The following HAS3 variants were observed in gnomAD, a reference collection of about 807,000 sequenced individuals.
HAS3 encodes the protein hyaluronan synthase 3.
In HAS3, 27 loss-of-function variants were observed where a neutral mutation model predicts 50.3. The observed-to-expected ratio is 0.54, with a 90% CI of 0.40 to 0.74. The LOEUF is 0.74. HAS3 is among the 30% of genes least tolerant of loss of function. The pLI is 0.00. For synonymous variants in HAS3, 339 were observed against 310.9 expected, an observed-to-expected ratio of 1.09 and a Z score of -0.95; for missense variants, 517 against 742.8, an observed-to-expected ratio of 0.70 and a Z score of 3.53.
Position 69,107,820 on chromosome 16 carries a change from C to A in HAS3, c.1-1576C>A, listed in dbSNP as rs778585888. ...CTGGGAGTCCTGTGAAGGAAGCACA[C>A]GGCGGGCTCCCCGGGACGGTGGGGC... is the stretch of plus-strand genomic sequence containing the variant. On this transcript the variant is annotated intron_variant, in intron 1 of 3. Transcript: ENST00000569188. This position sits in a 1 kb window ranked among gnomAD's most constrained non-coding sequence, Gnocchi z 5.5. The A allele has an allele frequency of 1.2e-5, 7 of 587,474 alleles. No individual in the cohort carries two copies. Among genetic ancestry groups the A allele is most frequent in the Non-Finnish European group, 1.5e-5 (7 of 465,876 alleles). 36.4% of individuals were successfully genotyped at this position (587,474 alleles called of 1,614,324 possible).
upstream of HAS3, among the ~76,000 whole-genome samples, chr16:69,104,882 G>C (rs145860704): frequency 6.6e-6 from 1 of 151,936 alleles, no homozygotes; most frequent in South Asian, 2.1e-4. Flanking sequence ...CTTGCGAGAG[G>C]AGAAGTTTAT....
At position 69,106,243 on chromosome 16, in the gene HAS3, G is replaced by A. The variant is rs1960787357; in HGVS notation, c.-1+456G>A. 6.6e-6 allele frequency: 1 copy of A among 151,850 alleles called. No individual in the cohort carries two copies. Among genetic ancestry groups the A allele is most frequent in the South Asian group, 2.1e-4 (1 of 4,840 alleles). The allele number at this position is 151,850 out of a possible 1,614,324, so 9.4% of individuals were successfully genotyped here. A position where few individuals can be genotyped will look rare whatever the true frequency, so the allele number is the denominator to read the frequency against. On this transcript the variant is annotated intron_variant, in intron 1 of 3. Coordinates refer to ENST00000569188, the MANE Select transcript of HAS3 (RefSeq NM_001199280.2). The surrounding 1 kb of genome is among the most constrained non-coding windows in gnomAD (Gnocchi z 5.5). ...CGGCAGTCGGAGCGCGCGGCGGCGC[G>A]GAGCGGAGCGGGAGGAGGGGCATGG...
rs570254508 is a variant in HAS3, at chr16:69,113,558, G to A, written c.738+16G>A. 1.2e-5 allele frequency: 17 copies of A among 1,436,958 alleles called. No individual in the cohort carries two copies. The East Asian group carries it at 2.1e-4, about 17-fold the overall frequency. The allele number at this position is 1,436,958 out of a possible 1,614,324, so 89.0% of individuals were successfully genotyped here. On this transcript the variant is annotated intron_variant, in intron 3 of 3. Coordinates refer to ENST00000569188, the MANE Select transcript of HAS3 (RefSeq NM_001199280.2). The stretch of plus-strand genomic sequence containing the variant: ...AGATGTCCAGGTAAGATGAGACCAG[G>A]GATATCTGTGGGGAGGGGTCTGGAC...
At chr16:69,083,485 G>A in the HAS3 span, 2 of 1,608,050 alleles carry the variant, frequency 1.2e-6, no homozygotes, top group Non-Finnish European at 8.5e-7. Flanking sequence ...TCTCATGCAG[G>A]TGCTGAGCGC....
At chr16:69,105,322 C>T (rs901687136), upstream of HAS3, among the ~76,000 whole-genome samples, 2 of 152,114 alleles carry the variant, frequency 1.3e-5, no homozygotes, top group African/African-American at 2.4e-5. Flanking sequence ...GCTAACAACT[C>T]TCCCCCCTCC....
chr16:69,087,015 T>C, the HAS3 span, among the ~76,000 whole-genome samples: 5 of 152,120 alleles, frequency 3.3e-5, no homozygotes, highest in African/African-American at 1.2e-4. Context: ...CACCCTGCTC[T>C]TCTCCCTCAG....
the HAS3 span, among the ~76,000 whole-genome samples, chr16:69,097,941 A>G: frequency 6.6e-6 from 1 of 152,168 alleles, no homozygotes; most frequent in African/African-American, 2.4e-5. Flanking sequence ...GAATTTACAT[A>G]AAGGAAATCA....
At chr16:69,108,563 C>A (rs1960889824) in intron 1 of HAS3, among the ~76,000 whole-genome samples, 1 of 152,122 alleles carries the variant, frequency 6.6e-6, no homozygotes, top group Non-Finnish European at 1.5e-5. Context: ...ACGCATGCTG[C>A]ACGGGCACTA....
the HAS3 span, among the ~76,000 whole-genome samples, chr16:69,094,888 C>T: frequency 4.6e-5 from 7 of 152,020 alleles, no homozygotes; most frequent in African/African-American, 7.2e-5. Context: ...TGTTTCTCCC[C>T]GGCTCTCCTT....
downstream of HAS3, chr16:69,117,864 T>G (rs1961266499): frequency 5.8e-6 from 1 of 171,230 alleles, no homozygotes; most frequent in Non-Finnish European, 1.3e-5. Flanking sequence ...GGGCCCTTGC[T>G]AAGACTAAAA....
In HAS3 at chr16:69,109,851, C is replaced by T; in HGVS notation, c.456C>T (p.Arg152=). The T allele has an allele frequency of 6.2e-7, 1 of 1,613,518 alleles. No individual in the cohort carries two copies. The highest frequency in any genetic ancestry group is 8.5e-7 in the Non-Finnish European group (1 of 1,180,024). ...AGCAGGCCGGCTTCTTTGTGTGGCG[C>T]AGCAACTTCCATGAGGCAGGCGAGG... is the stretch of plus-strand genomic sequence containing the variant. The part of the protein sequence containing the change: ...GTEQAGFFVW[R]SNFHEAGEGE... Residue 152 remains arginine (R), a synonymous_variant, in exon 2 of 4, where the codon CGC becomes CGT. Coordinates refer to ENST00000569188, the MANE Select transcript of HAS3 (RefSeq NM_001199280.2). The surrounding 1 kb of genome is among the most constrained non-coding windows in gnomAD (Gnocchi z 5.3).
intron 2 of HAS3, among the ~76,000 whole-genome samples, chr16:69,111,362 G>A (rs905722475): frequency 6.6e-6 from 1 of 151,874 alleles, no homozygotes; most frequent in Admixed American, 6.6e-5. Flanking sequence ...GTGAGCCACC[G>A]CACCTGGCCT....
At position 69,109,151 on chromosome 16, in the gene HAS3, G is replaced by C. The variant is rs571535022; in HGVS notation, c.1-245G>C. ...TGTCGCCCATTTAACCCTCAAAGAT[G>C]CCTTGAGGTTAGTCCTGCAACCCAC... On this transcript the variant is annotated intron_variant, in intron 1 of 3. Coordinates refer to ENST00000569188, the MANE Select transcript of HAS3 (RefSeq NM_001199280.2). This position sits in a 1 kb window ranked among gnomAD's most constrained non-coding sequence, Gnocchi z 5.3. Among the ~76,000 whole-genome samples the C allele has an allele frequency of 6.6e-6, 1 of 152,322 alleles. No individual in the cohort carries two copies. Among genetic ancestry groups the C allele is most frequent in the South Asian group, 2.1e-4 (1 of 4,830 alleles).
chr16:69,107,618 G>T lies in HAS3; in HGVS notation c.1-1778G>T. 3 of 985,500 alleles carry T rather than the reference G, an allele frequency of 3.0e-6. No homozygotes were observed. The highest frequency in any genetic ancestry group is 3.6e-6 in the Non-Finnish European group (3 of 829,978). The allele number at this position is 985,500 out of a possible 1,614,324, so 61.0% of individuals were successfully genotyped here. ...GAGGCGGGGCGCCAGCGCCCAGGTT[G>T]CTGGGCTGGCCTTGGCGCCCCCTTC... On this transcript the variant is annotated intron_variant, in intron 1 of 3. Transcript: ENST00000569188. The surrounding 1 kb of genome is among the most constrained non-coding windows in gnomAD (Gnocchi z 5.5).
rs913756456 is a variant in HAS3, at chr16:69,113,493, G to C, written c.689G>C (p.Arg230Pro). The C allele has an allele frequency of 2.5e-6, 4 of 1,613,694 alleles. No individual in the cohort carries two copies. The highest frequency in any genetic ancestry group is 2.7e-5 in the African/African-American group (2 of 75,020). Residue 230 changes from arginine (R) to proline (P), a missense_variant, in exon 3 of 4, where the codon CGA becomes CCA. Physicochemically the swap from Arg to Pro is moderately radical, Grantham distance 103. Coordinates refer to ENST00000569188, the MANE Select transcript of HAS3 (RefSeq NM_001199280.2). ...CCAGCCTGCACCATCGAGATGCTTC[G>C]AGTCCTGGAGGAGGATCCCCAAGTA... ...LDPACTIEML[R>P]VLEEDPQVGG...
intron 2 of HAS3, among the ~76,000 whole-genome samples, chr16:69,110,969 CA>C (rs1207605318): frequency 6.6e-6 from 1 of 152,086 alleles, no homozygotes; most frequent in Non-Finnish European, 1.5e-5. Context: ...GGAGCATCGG[CA>C]GGGGCGGGAC....
chr16:69,091,771 G>A, the HAS3 span, among the ~76,000 whole-genome samples: 1 of 152,324 alleles, frequency 6.6e-6, no homozygotes, highest in Middle Eastern at 3.4e-3. Flanking sequence ...TCATCCGGGA[G>A]AGAAATCTTG....
At chr16:69,110,528 C>T (rs1960965604) in intron 2 of HAS3, among the ~76,000 whole-genome samples, 1 of 152,188 alleles carries the variant, frequency 6.6e-6, no homozygotes, top group African/African-American at 2.4e-5. Context: ...GGCAGTCCTC[C>T]CACCTCATCC....
In HAS3 at chr16:69,107,696, G is replaced by A. The variant is rs1055810305; in HGVS notation, c.1-1700G>A. 3.0e-6 allele frequency: 3 copies of A among 985,438 alleles called. No individual in the cohort carries two copies. Among genetic ancestry groups the A allele is most frequent in the Non-Finnish European group, 3.6e-6 (3 of 830,022 alleles). The allele number at this position is 985,438 out of a possible 1,614,324, so 61.0% of individuals were successfully genotyped here. The stretch of plus-strand genomic sequence containing the variant: ...GGGTCCCGCCGCGCCCCTTCAGCAT[G>A]TAAGCTCCGGAGGGGAATGGGGGCG... On this transcript the variant is annotated intron_variant, in intron 1 of 3. Coordinates refer to ENST00000569188, the MANE Select transcript of HAS3 (RefSeq NM_001199280.2). This position sits in a 1 kb window ranked among gnomAD's most constrained non-coding sequence, Gnocchi z 5.5.
Sources: gnomAD v4.1 joint callset for allele counts (sites outside exome capture counted in the v4.1 genomes callset) on GRCh38, gnomAD v4.1.1 for gene constraint, Gnocchi (gnomAD v3.1) non-coding constraint, MANE v1.5 for transcripts, NCBI Gene and HGNC (gene_info 2026-07-23, HGNC 2026-07-21) for gene names.